NCLN: variants seen among roughly 807,000 people sequenced by gnomAD.
NCLN encodes nicalin, also known as BOS complex subunit NCLN.
NCLN carries 34 observed loss-of-function variants against 69.5 expected under a neutral mutation model. That is an observed-to-expected ratio of 0.49 (90% CI 0.37 to 0.65). NCLN has a LOEUF of 0.65. Ranked by LOEUF, NCLN falls within the 30% of genes least tolerant of loss-of-function variation. The pLI is 0.00. For synonymous variants in NCLN, 393 were observed against 358.3 expected (o/e 1.10, Z -1.09); for missense variants, 710 against 804.8 (o/e 0.88, Z 1.42).
In NCLN at chr19:3,205,822, T is replaced by G; in HGVS notation, c.1209-117T>G. 1.1e-6 allele frequency: 1 copy of G among 939,994 alleles called. No individual in the cohort carries two copies. Among genetic ancestry groups the G allele is most frequent in the South Asian group, 1.6e-5 (1 of 63,060 alleles). The allele number at this position is 939,994 out of a possible 1,614,324, so 58.2% of individuals were successfully genotyped here. ...TTAAAGCTAAGCTTAATTTTTTTTTTTTTTTAAAGACAGAGTCTCACGGTC... is the reference window on the plus strand; with the variant it reads ...TTAAAGCTAAGCTTAATTTTTTTTTGTTTTTAAAGACAGAGTCTCACGGTC... On this transcript the variant is annotated intron_variant, in intron 9 of 14. Transcript: ENST00000246117. The surrounding 1 kb of genome is among the most constrained non-coding windows in gnomAD (Gnocchi z 4.6).
At chr19:3,196,376 G>A in intron 4 of NCLN, 99 bp downstream of exon 4, 2 of 864,820 alleles carry the variant, frequency 2.3e-6, no homozygotes, top group Non-Finnish European at 3.5e-6. Context: ...AGCCGCTGAT[G>A]GGAAACTGGA....
chr19:3,192,579 G>A lies in NCLN; in HGVS notation c.294G>A (p.Gln98=). 2 of 1,608,764 alleles carry A rather than the reference G, an allele frequency of 1.2e-6. No homozygotes were observed. Among genetic ancestry groups the A allele is most frequent in the Non-Finnish European group, 8.5e-7 (1 of 1,177,702 alleles). The stretch of plus-strand genomic sequence containing the variant: ...TGGACTTCTCCTACGAGCAGTACCA[G>A]AAGGCCCTGCGGCAGTCGGCGGGCG... ...RLLDFSYEQY[Q]KALRQSAGAV... The change falls in exon 2 of 15, where the codon CAG becomes CAA. Residue 98 remains glutamine (Q), a synonymous_variant. Coordinates refer to ENST00000246117, the MANE Select transcript of NCLN (RefSeq NM_020170.4).
intron 4 of NCLN, among the ~76,000 whole-genome samples, chr19:3,198,524 CACAA>C (rs1233255941): frequency 1.7e-4 from 24 of 141,480 alleles, no homozygotes; most frequent in African/African-American, 4.3e-4. Context: ...AAAAAAAAAA[CACAA>C]ACAAAAAAAA....
chr19:3,195,280 C>T (rs1261462902), intron 3 of NCLN, among the ~76,000 whole-genome samples: 1 of 151,716 alleles, frequency 6.6e-6, no homozygotes, highest in African/African-American at 2.4e-5. Flanking sequence ...GACGGAGTCT[C>T]GTTCTGTCAC....
At position 3,207,788 on chromosome 19, in the gene NCLN, CAG is replaced by C. The variant is rs1250158513; in HGVS notation, c.*101_*102del. ...CCCGCCGCGGGCGGCCCTGCAGGGA[CAG>C]GGGCCCTCTCCCTCCCCGGCGGTGG... On this transcript the variant is annotated 3_prime_UTR_variant, in exon 15 of 15. Transcript: ENST00000246117. 3.1e-6 allele frequency: 3 copies of C among 977,000 alleles called. No homozygotes were observed. Among genetic ancestry groups the C allele is most frequent in the Non-Finnish European group, 3.2e-6 (2 of 621,152 alleles). 60.5% of individuals were successfully genotyped at this position (977,000 alleles called of 1,614,324 possible).
chr19:3,192,603 C>T lies in NCLN; in HGVS notation c.318C>T (p.Gly106=), dbSNP rs901084082. 1.1e-5 allele frequency: 17 copies of T among 1,603,606 alleles called. No homozygotes were observed. The highest frequency in any genetic ancestry group is 2.3e-5 in the East Asian group (1 of 44,378). The change falls in exon 2 of 15, where the codon GGC becomes GGT. Residue 106 remains glycine (G), a synonymous_variant. Coordinates refer to ENST00000246117, the MANE Select transcript of NCLN (RefSeq NM_020170.4). Reference sequence around the variant, plus strand: ...AGAAGGCCCTGCGGCAGTCGGCGGGCGCCGTGGTCATCATCCTGCCCAGGG... The same window carrying T: ...AGAAGGCCCTGCGGCAGTCGGCGGGTGCCGTGGTCATCATCCTGCCCAGGG... ...QYQKALRQSA[G]AVVIILPRAM... is the part of the protein sequence containing the mutation.
In NCLN at chr19:3,207,936, G is replaced by C. The variant is rs1916319682; in HGVS notation, c.*248G>C. On this transcript the variant is annotated 3_prime_UTR_variant, in exon 15 of 15. Transcript: ENST00000246117. ...GAGCTTGGGAGACGTCCCGGGGCCA[G>C]GCTACGGACTTGCGGACGAGCCCCC... The C allele has an allele frequency of 1.9e-6, 1 of 520,072 alleles. No individual in the cohort carries two copies. The highest frequency in any genetic ancestry group is 1.9e-5 in the African/African-American group (1 of 52,126). 32.2% of individuals were successfully genotyped at this position (520,072 alleles called of 1,614,324 possible).
chr19:3,204,882 T>C, intron 9 of NCLN, 131 bp downstream of exon 9: 15 of 1,035,112 alleles, frequency 1.4e-5, no homozygotes, highest in Non-Finnish European at 1.8e-5. Flanking sequence ...AAGGGGCCGG[T>C]GCGTGGCCAA....
intron 12 of NCLN, among the ~76,000 whole-genome samples, chr19:3,206,996 T>A (rs894807184): frequency 2.0e-5 from 3 of 151,958 alleles, no homozygotes; most frequent in Non-Finnish European, 4.4e-5. Flanking sequence ...TAATTTTTTT[T>A]AATTTTTAGT....
rs1455154645 is a variant in NCLN at position 3,209,216 on chromosome 19, C to T, written c.*1528C>T. The T allele has an allele frequency of 1.3e-5, 2 of 152,322 alleles. No homozygotes were observed. The highest frequency in any genetic ancestry group is 4.8e-5 in the African/African-American group (2 of 41,474). 9.4% of individuals were successfully genotyped at this position (152,322 alleles called of 1,614,324 possible). ...GCAGCCTGGAGGGGTGAGGGGACAA[C>T]CACCCCTCTTTCCTCCAGGTTGGCA... is the stretch of plus-strand genomic sequence containing the variant. On this transcript the variant is annotated 3_prime_UTR_variant, in exon 15 of 15. Transcript: ENST00000246117.
At chr19:3,198,604 G>T (rs1568312751) in intron 4 of NCLN, among the ~76,000 whole-genome samples, 1 of 152,018 alleles carries the variant, frequency 6.6e-6, no homozygotes, top group Non-Finnish European at 1.5e-5. Context: ...GCAGGAGTGG[G>T]TCCCTGTTCC....
intron 12 of NCLN, 90 bp downstream of exon 12, chr19:3,206,515 GA>G (rs2144920449): frequency 7.0e-7 from 1 of 1,421,794 alleles, no homozygotes; most frequent in South Asian, 1.4e-5. Context: ...ACCCCTGGGG[GA>G]TGCCAGGTGG....
rs1354549598 is a variant in NCLN, at chr19:3,208,956, T to G, written c.*1268T>G. 1 of 152,376 alleles carries G rather than the reference T, an allele frequency of 6.6e-6. No individual in the cohort carries two copies. The highest frequency in any genetic ancestry group is 1.5e-5 in the Non-Finnish European group (1 of 68,190). 9.4% of individuals were successfully genotyped at this position (152,376 alleles called of 1,614,324 possible). A position where few individuals can be genotyped will look rare whatever the true frequency, so the allele number is the denominator to read the frequency against. ...CAGGGAGACCCCGGTGTGTCCGTTC[T>G]TTAGCAATATAACCTACCCAGTGCG... is the stretch of plus-strand genomic sequence containing the variant. On this transcript the variant is annotated 3_prime_UTR_variant, in exon 15 of 15. Coordinates refer to ENST00000246117, the MANE Select transcript of NCLN (RefSeq NM_020170.4).
chr19:3,199,961 A>G (rs1013833220), intron 5 of NCLN, among the ~76,000 whole-genome samples: 1 of 151,742 alleles, frequency 6.6e-6, no homozygotes, highest in Non-Finnish European at 1.5e-5. Context: ...CAGCCTCCCA[A>G]AGTGCTCGGA....
chr19:3,193,427 A>G lies in NCLN; in HGVS notation c.519A>G (p.Glu173=). 6.2e-7 allele frequency: 1 copy of G among 1,602,324 alleles called. No individual in the cohort carries two copies. Among genetic ancestry groups the G allele is most frequent in the Non-Finnish European group, 8.5e-7 (1 of 1,177,874 alleles). The part of the protein sequence containing the change: ...SASQGSASAA[E]VLLRTATANG... ...CCCAGGGCTCCGCCTCTGCTGCTGA[A>G]GGTGTGCTCTGGGCTGCAGGGACGG... Residue 173 remains glutamate (E), a splice_region_variant and synonymous_variant, in exon 3 of 15, where the codon GAA becomes GAG. Coordinates refer to ENST00000246117, the MANE Select transcript of NCLN (RefSeq NM_020170.4).
Position 3,201,639 on chromosome 19 carries a change from G to A in NCLN, c.800+13G>A. ...GCACGCACGCCGCGTGAGTGCCGGG[G>A]TGGGCAGGGGGATGGGGGTGCGGGG... is the stretch of plus-strand genomic sequence containing the variant. On this transcript the variant is annotated intron_variant, in intron 6 of 14. Transcript: ENST00000246117. 1.3e-6 allele frequency: 2 copies of A among 1,524,080 alleles called. No individual in the cohort carries two copies. Among genetic ancestry groups the A allele is most frequent in the South Asian group, 1.2e-5 (1 of 83,550 alleles). The allele number at this position is 1,524,080 out of a possible 1,614,324, so 94.4% of individuals were successfully genotyped here.
intron 6 of NCLN, among the ~76,000 whole-genome samples, chr19:3,202,421 G>A (rs1202058583): frequency 6.6e-6 from 1 of 152,192 alleles, no homozygotes; most frequent in African/African-American, 2.4e-5. Context: ...CATCCCAGGA[G>A]CACCCCCAGA....
At position 3,206,438 on chromosome 19, in the gene NCLN, C is replaced by T. The variant is rs1916273701; in HGVS notation, c.1499+13C>T. On this transcript the variant is annotated intron_variant, in intron 12 of 14. Transcript: ENST00000246117. ...AGGCTGACAAGCGGTGAGGCTGGGG[C>T]TCCGCGCTGGCCCCGTTCAGCCTGG... 6.5e-7 allele frequency: 1 copy of T among 1,541,984 alleles called. No homozygotes were observed. Among genetic ancestry groups the T allele is most frequent in the Non-Finnish European group, 8.7e-7 (1 of 1,144,122 alleles).
chr19:3,203,443 G>A (rs892065532), intron 6 of NCLN, among the ~76,000 whole-genome samples: 1 of 152,148 alleles, frequency 6.6e-6, no homozygotes, highest in African/African-American at 2.4e-5. Context: ...GGGGTCTAAC[G>A]TGGGGTGGCC....
Sources: allele counts gnomAD v4.1 joint callset (sites outside exome capture counted in the v4.1 genomes callset), GRCh38; gene constraint gnomAD v4.1.1; non-coding constraint Gnocchi (gnomAD v3.1); transcripts MANE v1.5; gene names NCBI Gene and HGNC (gene_info 2026-07-23, HGNC 2026-07-21).